FHIT: variants seen among roughly 807,000 people sequenced by gnomAD.
FHIT encodes fragile histidine triad diadenosine triphosphatase.
FHIT carries 19 observed loss-of-function variants against 17.9 expected under a neutral mutation model. The ratio of observed to expected loss-of-function variants is 1.06; its 90% CI spans 0.74 to 1.56. The LOEUF (loss-of-function observed/expected upper bound fraction) is 1.56. FHIT is among the 40% of genes most tolerant of loss of function. FHIT has a pLI of 0.00. For missense variants in FHIT, 248 were observed against 189.2 expected, an observed-to-expected ratio of 1.31 and a Z score of -1.82; for synonymous variants, 81 against 69.7, an observed-to-expected ratio of 1.16 and a Z score of -0.81.
intron 7 of FHIT, among the ~76,000 whole-genome samples, chr3:59,975,171 A>C (rs987714918): frequency 3.3e-5 from 5 of 152,152 alleles, no homozygotes; most frequent in Admixed American, 2.6e-4. Context: ...TTGCTGGCAA[A>C]TGAATGAGAT....
At chr3:61,076,706 A>T (rs1401434231) in intron 2 of FHIT, among the ~76,000 whole-genome samples, 2 of 152,192 alleles carry the variant, frequency 1.3e-5, no homozygotes, top group Non-Finnish European at 2.9e-5. Flanking sequence ...TATACAGAAT[A>T]GAAGAACAGT....
chr3:60,319,398 T>C (rs566754254), intron 5 of FHIT, among the ~76,000 whole-genome samples: 2 of 152,054 alleles, frequency 1.3e-5, no homozygotes, highest in African/African-American at 2.4e-5. Flanking sequence ...ATATGTATAA[T>C]TGATTTTTGC....
chr3:61,179,215 G>A (rs762339466), intron 2 of FHIT, among the ~76,000 whole-genome samples: 3 of 151,608 alleles, frequency 2.0e-5, no homozygotes, highest in Non-Finnish European at 4.4e-5. Flanking sequence ...TCACCATGTT[G>A]GCCAGAATGG....
chr3:59,820,690 C>T (rs1043058435), intron 8 of FHIT, among the ~76,000 whole-genome samples: 2 of 152,198 alleles, frequency 1.3e-5, no homozygotes, highest in African/African-American at 2.4e-5. Context: ...ATATTTGTCA[C>T]TGGGTACCTT....
intron 5 of FHIT, among the ~76,000 whole-genome samples, chr3:60,471,298 T>A (rs1380437468): frequency 1.3e-5 from 2 of 152,210 alleles, no homozygotes; most frequent in Admixed American, 1.3e-4. Context: ...CTTGCAGTCC[T>A]TGTGGCCTAG....
chr3:60,166,006 T>C (rs1225153688), intron 5 of FHIT, among the ~76,000 whole-genome samples: 5 of 152,148 alleles, frequency 3.3e-5, no homozygotes, highest in African/African-American at 1.2e-4. Context: ...CCATAAAAAC[T>C]CACTTTATAA....
intron 8 of FHIT, among the ~76,000 whole-genome samples, chr3:59,873,574 G>C (rs1423005610): frequency 1.3e-5 from 2 of 152,186 alleles, no homozygotes; most frequent in African/African-American, 4.8e-5. Flanking sequence ...TTTTGAGCCA[G>C]ACAATTCTTT....
chr3:60,755,887 C>A (rs1477292601), intron 4 of FHIT, among the ~76,000 whole-genome samples: 1 of 152,194 alleles, frequency 6.6e-6, no homozygotes. Context: ...TGATTTGAAT[C>A]ATTTAAGGAA....
intron 3 of FHIT, among the ~76,000 whole-genome samples, chr3:60,833,131 A>G (rs1702391782): frequency 6.6e-6 from 1 of 152,130 alleles, no homozygotes; most frequent in African/African-American, 2.4e-5. Flanking sequence ...AGATTTAAGT[A>G]TGGGAAAGAG....
chr3:60,452,877 G>A (rs573924785), intron 5 of FHIT, among the ~76,000 whole-genome samples: 2 of 152,256 alleles, frequency 1.3e-5, no homozygotes, highest in Non-Finnish European at 1.5e-5. Flanking sequence ...GTATGCAAAT[G>A]TAAGTGTCTT....
intron 8 of FHIT, among the ~76,000 whole-genome samples, chr3:59,869,003 G>A (rs998031578): frequency 6.6e-6 from 1 of 152,144 alleles, no homozygotes; most frequent in Admixed American, 6.5e-5. Context: ...CATCCTGTTG[G>A]CTTGGAAAGG....
chr3:59,799,196 T>G (rs978797990), intron 8 of FHIT, among the ~76,000 whole-genome samples: 3 of 152,206 alleles, frequency 2.0e-5, no homozygotes, highest in African/African-American at 7.2e-5. Context: ...TAGACTTACA[T>G]ATGTGATATT....
intron 3 of FHIT, among the ~76,000 whole-genome samples, chr3:60,967,311 C>T (rs915913441): frequency 7.2e-5 from 11 of 152,124 alleles, no homozygotes; most frequent in African/African-American, 2.7e-4. Flanking sequence ...CATTCTTTCC[C>T]AAAATCATTG....
At chr3:59,953,491 A>T (rs1436763535) in intron 7 of FHIT, among the ~76,000 whole-genome samples, 1 of 152,128 alleles carries the variant, frequency 6.6e-6, no homozygotes, top group East Asian at 1.9e-4. Flanking sequence ...CCTCTTCTGC[A>T]TTGCCACGCA....
At chr3:59,991,884 G>A (rs932788069) in intron 7 of FHIT, among the ~76,000 whole-genome samples, 2 of 151,946 alleles carry the variant, frequency 1.3e-5, no homozygotes, top group African/African-American at 4.8e-5. Flanking sequence ...TTGAGTCCCT[G>A]GATCAAGCCA....
chr3:60,394,757 C>T (rs1056992206), intron 5 of FHIT, among the ~76,000 whole-genome samples: 9 of 152,160 alleles, frequency 5.9e-5, no homozygotes, highest in Admixed American at 3.3e-4. Flanking sequence ...AAGGTCTCCA[C>T]GAACATTAAC....
At chr3:60,632,095 G>T (rs76733900) in intron 4 of FHIT, among the ~76,000 whole-genome samples, 43 of 147,228 alleles carry the variant, frequency 2.9e-4, no homozygotes, top group Admixed American at 2.2e-3. Flanking sequence ...TTTTTTTTTT[G>T]TTTTTTGTTT....
At chr3:60,329,405 G>A (rs1025010571) in intron 5 of FHIT, among the ~76,000 whole-genome samples, 8 of 152,160 alleles carry the variant, frequency 5.3e-5, no homozygotes, top group African/African-American at 1.9e-4. Flanking sequence ...ATTCTAACAA[G>A]ACATTCTTTA....
chr3:60,715,529 C>A (rs1577107472), intron 4 of FHIT, among the ~76,000 whole-genome samples: 1 of 149,696 alleles, frequency 6.7e-6, no homozygotes, highest in East Asian at 2.0e-4. Flanking sequence ...GGACAAAAAA[C>A]CAAACACCAC....
Sources: allele counts gnomAD v4.1 joint callset (sites outside exome capture counted in the v4.1 genomes callset), GRCh38; gene constraint gnomAD v4.1.1; transcripts MANE v1.5; gene names NCBI Gene and HGNC (gene_info 2026-07-23, HGNC 2026-07-21).